Variants in DDC observed in about 807,000 individuals in gnomAD.
DDC encodes dopa decarboxylase.
A neutral mutation model predicts 60.0 loss-of-function variants in DDC; 43 were observed. The observed-to-expected ratio is 0.72, with a 90% CI of 0.56 to 0.92. The LOEUF (loss-of-function observed/expected upper bound fraction) is 0.92. DDC is among the 40% of genes least tolerant of loss of function. The pLI is 0.00. For synonymous variants in DDC, 232 were observed against 234.6 expected (o/e 0.99, Z 0.10); for missense variants, 573 against 620.2 (o/e 0.92, Z 0.81).
At chr7:50,513,899 G>A (rs536303970) in intron 6 of DDC, among the ~76,000 whole-genome samples, 16 of 151,996 alleles carry the variant, frequency 1.1e-4, no homozygotes, top group Admixed American at 5.2e-4. Context: ...CCCTAGTAGC[G>A]AAAGACAAAG....
At chr7:50,522,158 GAAAAT>G (rs1291739804) in intron 6 of DDC, among the ~76,000 whole-genome samples, 1 of 145,156 alleles carries the variant, frequency 6.9e-6, no homozygotes. Flanking sequence ...AATGAAATTT[GAAAAT>G]AAAATAAAAA....
At chr7:50,480,283 T>G (rs1369700867) in intron 9 of DDC, among the ~76,000 whole-genome samples, 1 of 152,212 alleles carries the variant, frequency 6.6e-6, no homozygotes, top group East Asian at 1.9e-4. Context: ...TGGAGAGCTC[T>G]GGGTTGGTAA....
At chr7:50,476,323 C>T (rs2042642503) in intron 11 of DDC, among the ~76,000 whole-genome samples, 2 of 152,218 alleles carry the variant, frequency 1.3e-5, no homozygotes, top group South Asian at 4.1e-4. Flanking sequence ...CACACAGCAG[C>T]CCAGGGCAGA....
Position 50,539,690 on chromosome 7 carries a change from G to C in DDC, c.315+225C>G, listed in dbSNP as rs998850. 249,051 of 534,666 alleles carry C rather than the reference G, an allele frequency of 0.47. 60,374 individuals are homozygous for C. Among genetic ancestry groups the C allele is most frequent in the Non-Finnish European group, 0.52 (151,531 of 289,406 alleles). The allele number at this position is 534,666 out of a possible 1,614,324, so 33.1% of individuals were successfully genotyped here. A position where few individuals can be genotyped will look rare whatever the true frequency, so the allele number is the denominator to read the frequency against. On this transcript the variant is annotated intron_variant, in intron 3 of 14. Transcript: ENST00000444124. The stretch of plus-strand genomic sequence containing the variant: ...ATACCAAGTGCTTCCAACACAGCCT[G>C]TGCAGAATGGGCTTTGAGTTGTTGA...
chr7:50,466,195 T>TA (rs2042391357), intron 13 of DDC, among the ~76,000 whole-genome samples: 1 of 152,016 alleles, frequency 6.6e-6, no homozygotes, highest in African/African-American at 2.4e-5. Context: ...GATTGTGAAT[T>TA]AAAAGCTACC....
chr7:50,518,725 T>C (rs1217816145), intron 6 of DDC, among the ~76,000 whole-genome samples: 1 of 152,216 alleles, frequency 6.6e-6, no homozygotes, highest in East Asian at 1.9e-4. Context: ...TCTCACCTTA[T>C]ACAAAAATCA....
rs2044639393 is a variant in DDC at position 50,541,712 on chromosome 7, C to T, written c.202-1684G>A. The stretch of plus-strand genomic sequence containing the variant: ...CTGTGAGAAATCAATGTTGTTTAAG[C>T]CCCCAGTCTACGTCCTTTGATATAG... On this transcript the variant is annotated intron_variant, in intron 2 of 14. Transcript: ENST00000444124. 2.6e-5 allele frequency among the ~76,000 whole-genome samples: 4 copies of T among 152,148 alleles called. 1 individual carries two copies. The South Asian group carries it at 8.3e-4, about 32-fold the overall frequency.
intron 9 of DDC, chr7:50,493,105 T>G: frequency 1.1e-6 from 1 of 927,442 alleles, no homozygotes. Context: ...CCTGACCGCT[T>G]CAGTTTCCTC....
chr7:50,495,897 T>A (rs2043117164), intron 8 of DDC, among the ~76,000 whole-genome samples: 1 of 152,224 alleles, frequency 6.6e-6, no homozygotes, highest in South Asian at 2.1e-4. Context: ...TACTTCATGC[T>A]TGAAGTTCCT....
Position 50,528,151 on chromosome 7 carries a change from G to A in DDC, c.700C>T (p.Leu234=), listed in dbSNP as rs146325771. The A allele has an allele frequency of 1.1e-5, 18 of 1,613,052 alleles. No homozygotes were observed. The highest frequency in any genetic ancestry group is 1.4e-5 in the Non-Finnish European group (17 of 1,180,004). ...GCCGAACTTACAAAGAAAGGAATCAGGCCAGCCGCTTTGTCTCTCTCCAGG... is the reference window on the plus strand; with the variant it reads ...GCCGAACTTACAAAGAAAGGAATCAAGCCAGCCGCTTTGTCTCTCTCCAGG... ...EALERDKAAG[L]IPFFMVATLG... is the part of the protein sequence containing the mutation. The change falls in exon 6 of 15, where the codon CTG becomes TTG. Residue 234 remains leucine, a synonymous_variant. Coordinates refer to ENST00000444124, the MANE Select transcript of DDC (RefSeq NM_001082971.2).
intron 4 of DDC, chr7:50,531,959 T>A (rs1433319222): frequency 6.6e-6 from 1 of 152,210 alleles, no homozygotes; most frequent in East Asian, 1.9e-4. Flanking sequence ...CATCTTCAGT[T>A]TTTTTCGAAG....
At chr7:50,483,773 G>A (rs953020503) in intron 9 of DDC, among the ~76,000 whole-genome samples, 2 of 151,914 alleles carry the variant, frequency 1.3e-5, no homozygotes, top group African/African-American at 2.4e-5. Flanking sequence ...GCATGGCGGC[G>A]GGCACCTGTA....
chr7:50,536,542 T>C (rs980731735), intron 4 of DDC, among the ~76,000 whole-genome samples: 2 of 152,214 alleles, frequency 1.3e-5, no homozygotes, highest in African/African-American at 2.4e-5. Flanking sequence ...CCAAGGAATT[T>C]TGGAAGCCTC....
At chr7:50,460,263 C>G (rs1172358029) in intron 14 of DDC, among the ~76,000 whole-genome samples, 1 of 146,184 alleles carries the variant, frequency 6.8e-6, no homozygotes, top group Non-Finnish European at 1.5e-5. Context: ...CAGCCTGCCG[C>G]CCCGTCCGGG....
At chr7:50,460,637 A>G (rs1483540094) in intron 14 of DDC, among the ~76,000 whole-genome samples, 1 of 151,602 alleles carries the variant, frequency 6.6e-6, no homozygotes, top group Non-Finnish European at 1.5e-5. Flanking sequence ...GGATTGAGAA[A>G]TCGGATGGTT....
intron 6 of DDC, among the ~76,000 whole-genome samples, chr7:50,517,206 A>G (rs1017244698): frequency 1.3e-5 from 2 of 152,224 alleles, no homozygotes; most frequent in African/African-American, 4.8e-5. Flanking sequence ...AAAATATATC[A>G]TAAAGATAAT....
chr7:50,501,793 G>T (rs1472180405), intron 7 of DDC, among the ~76,000 whole-genome samples: 1 of 152,158 alleles, frequency 6.6e-6, no homozygotes, highest in Non-Finnish European at 1.5e-5. Flanking sequence ...GGAAATGTTG[G>T]CCGGACACAG....
At chr7:50,514,427 C>G (rs2043671491) in intron 6 of DDC, among the ~76,000 whole-genome samples, 1 of 152,126 alleles carries the variant, frequency 6.6e-6, no homozygotes, top group Admixed American at 6.5e-5. Flanking sequence ...GGCTTTTCAA[C>G]ACCCCCCAAA....
chr7:50,525,921 T>C (rs1372667249), intron 6 of DDC, among the ~76,000 whole-genome samples: 1 of 147,186 alleles, frequency 6.8e-6, no homozygotes, highest in Non-Finnish European at 1.5e-5. Context: ...AAGTGAGACA[T>C]GTAAAAGGGC....
Sources: gnomAD v4.1 joint callset for allele counts (sites outside exome capture counted in the v4.1 genomes callset) on GRCh38, gnomAD v4.1.1 for gene constraint, MANE v1.5 for transcripts, NCBI Gene and HGNC (gene_info 2026-07-23, HGNC 2026-07-21) for gene names.